Variants in ARHGAP12 observed in about 807,000 individuals in gnomAD.
ARHGAP12 encodes the protein rho GTPase-activating protein 12.
A neutral mutation model predicts 108.6 loss-of-function variants in ARHGAP12; 64 were observed. The observed-to-expected ratio is 0.59, with a 90% CI of 0.48 to 0.73. The LOEUF is 0.73. ARHGAP12 is among the 30% of genes least tolerant of loss of function. ARHGAP12 has a pLI of 0.00. For missense variants in ARHGAP12, 940 were observed against 1,005.9 expected (o/e 0.93, Z 0.89); for synonymous variants, 312 against 337.2 (o/e 0.93, Z 0.82).
In ARHGAP12 at chr10:31,814,814, G is replaced by A. The variant is rs941871418; in HGVS notation, c.1732-453C>T. On this transcript the variant is annotated intron_variant, in intron 13 of 19. Transcript: ENST00000344936. ...ATACTTCAGATTCACGGTTGTCAAC[G>A]GAAAGAAATCCTAGAGCGGCCAGGC... 1.6e-4 allele frequency among the ~76,000 whole-genome samples: 24 copies of A among 152,162 alleles called. 1 individual carries two copies. Among genetic ancestry groups the A allele is most frequent in the Admixed American group, 1.3e-3 (20 of 15,278 alleles).
rs141159821 is a variant in ARHGAP12 at position 31,809,301 on chromosome 10, T to G, written c.2057A>C (p.Asp686Ala). 2 of 1,613,638 alleles carry G rather than the reference T, an allele frequency of 1.2e-6. No homozygotes were observed. Among genetic ancestry groups the G allele is most frequent in the Non-Finnish European group, 1.7e-6 (2 of 1,179,576 alleles). The change falls in exon 17 of 20, where the codon GAT (aspartate) becomes GCT (alanine). Residue 686 changes from aspartate (D) to alanine (A), a missense_variant. Physicochemically the swap from Asp to Ala is moderately radical, Grantham distance 126. Transcript: ENST00000344936. ...CIEHVEEHGL[D>A]IDGIYRVSGN... ...ACTTACTCTGTATATCCCATCAATA[T>G]CCAAACCTAAGAGACAATAATAATT...
chr10:31,888,627 T>A (rs1838275836), intron 3 of ARHGAP12, among the ~76,000 whole-genome samples: 1 of 152,168 alleles, frequency 6.6e-6, no homozygotes, highest in South Asian at 2.1e-4. Flanking sequence ...CCTCCTGGAC[T>A]TTGGTCTCAT....
At chr10:31,816,947 TA>T (rs1469328827) in intron 13 of ARHGAP12, among the ~76,000 whole-genome samples, 1 of 152,240 alleles carries the variant, frequency 6.6e-6, no homozygotes, top group African/African-American at 2.4e-5. Flanking sequence ...AGTTCTCTTT[TA>T]TTTCCTATCA....
intron 6 of ARHGAP12, among the ~76,000 whole-genome samples, chr10:31,848,282 T>C (rs949897220): frequency 2.6e-5 from 4 of 152,206 alleles, no homozygotes; most frequent in Non-Finnish European, 4.4e-5. Context: ...GTAGGTGATC[T>C]GTCCTTTCCC....
intron 1 of ARHGAP12, among the ~76,000 whole-genome samples, chr10:31,911,202 T>C (rs1364403658): frequency 6.6e-6 from 1 of 152,032 alleles, no homozygotes; most frequent in South Asian, 2.1e-4. Flanking sequence ...TTTTGCATTT[T>C]TATTAGAGAT....
At chr10:31,889,666 A>T (rs1838339826) in intron 3 of ARHGAP12, among the ~76,000 whole-genome samples, 1 of 114,606 alleles carries the variant, frequency 8.7e-6, no homozygotes. Flanking sequence ...TCGCTCTGTC[A>T]TGCATGCTGG....
At chr10:31,859,143 G>T (rs1837011431) in intron 4 of ARHGAP12, among the ~76,000 whole-genome samples, 2 of 152,164 alleles carry the variant, frequency 1.3e-5, no homozygotes, top group Non-Finnish European at 2.9e-5. Flanking sequence ...ATTCTGAGTT[G>T]GGGGACAATA....
intron 3 of ARHGAP12, among the ~76,000 whole-genome samples, chr10:31,903,568 C>A (rs1839010295): frequency 6.6e-6 from 1 of 152,122 alleles, no homozygotes; most frequent in Non-Finnish European, 1.5e-5. Context: ...GGACTTAACA[C>A]AAAACCATGA....
chr10:31,807,808 AT>A lies in ARHGAP12; in HGVS notation c.2390del (p.Asn797IlefsTer3). ...TTGCTATACTCTGATAGGTCATTCG[AT>A]TTTTCTCTCCATTTTCTATAACTCT... is the stretch of plus-strand genomic sequence containing the variant. ...LRRVIENGEK[N>X]RMTYQSIAIV... On this transcript the variant is annotated frameshift_variant, in exon 20 of 20. Coordinates refer to ENST00000344936, the MANE Select transcript of ARHGAP12 (RefSeq NM_018287.7). LOFTEE classifies it high-confidence loss of function. The A allele has an allele frequency of 6.5e-7, 1 of 1,535,526 alleles. No homozygotes were observed. Among genetic ancestry groups the A allele is most frequent in the Non-Finnish European group, 8.7e-7 (1 of 1,144,514 alleles).
intron 3 of ARHGAP12, among the ~76,000 whole-genome samples, chr10:31,882,552 C>A (rs1045453197): frequency 6.6e-6 from 1 of 152,126 alleles, no homozygotes; most frequent in African/African-American, 2.4e-5. Flanking sequence ...CAGAGGCTCA[C>A]ACCTGTAATC....
At chr10:31,907,826 G>A (rs1839198469) in intron 3 of ARHGAP12, among the ~76,000 whole-genome samples, 1 of 152,088 alleles carries the variant, frequency 6.6e-6, no homozygotes, top group South Asian at 2.1e-4. Context: ...AGGTAAAAAA[G>A]AGTAAAAATT....
intron 18 of ARHGAP12, 51 bp from the exon 19 acceptor site, chr10:31,808,802 A>C (rs1834913675): frequency 1.3e-6 from 2 of 1,571,458 alleles, no homozygotes; most frequent in Admixed American, 1.7e-5. Flanking sequence ...TATGAAACTG[A>C]AAGCAATGTC....
At chr10:31,898,268 T>C (rs1387721794) in intron 3 of ARHGAP12, among the ~76,000 whole-genome samples, 1 of 152,126 alleles carries the variant, frequency 6.6e-6, no homozygotes, top group Non-Finnish European at 1.5e-5. Context: ...TGAATAAATA[T>C]GTCTCCAAGG....
intron 3 of ARHGAP12, among the ~76,000 whole-genome samples, chr10:31,866,779 C>T (rs1837342023): frequency 2.0e-5 from 3 of 151,946 alleles, no homozygotes; most frequent in Admixed American, 2.0e-4. Flanking sequence ...CCATGCCCGG[C>T]TAATTTTATA....
At chr10:31,891,869 G>A (rs535621001) in intron 3 of ARHGAP12, among the ~76,000 whole-genome samples, 4 of 152,072 alleles carry the variant, frequency 2.6e-5, no homozygotes, top group African/African-American at 9.6e-5. Context: ...CCAGCTGATC[G>A]AATTGGATAC....
At chr10:31,821,981 T>A (rs1026154227) in intron 11 of ARHGAP12, among the ~76,000 whole-genome samples, 5 of 152,142 alleles carry the variant, frequency 3.3e-5, no homozygotes, top group African/African-American at 4.8e-5. Context: ...ATTGTCATCA[T>A]ACACGCTGTA....
At chr10:31,890,856 C>A (rs1445934279) in intron 3 of ARHGAP12, among the ~76,000 whole-genome samples, 1 of 152,148 alleles carries the variant, frequency 6.6e-6, no homozygotes, top group Non-Finnish European at 1.5e-5. Context: ...AAATCCCATT[C>A]CTCAAGCACT....
chr10:31,813,443 T>C lies in ARHGAP12; in HGVS notation c.1835-620A>G, dbSNP rs375034955. Among the ~76,000 whole-genome samples, 11 of 152,246 alleles carry C rather than the reference T, an allele frequency of 7.2e-5. No individual in the cohort carries two copies. The East Asian group carries it at 2.1e-3, about 29-fold the overall frequency. On this transcript the variant is annotated intron_variant, in intron 14 of 19. Transcript: ENST00000344936. ...TAGTAACAAAAATTCAAAAGGTATA[T>C]TTCTTGAAAATAATTCTATTTGGGG... is the stretch of plus-strand genomic sequence containing the variant.
intron 12 of ARHGAP12, 104 bp downstream of exon 12, chr10:31,820,283 C>T: frequency 1.2e-6 from 1 of 836,572 alleles, no homozygotes; most frequent in Non-Finnish European, 1.7e-6. Context: ...CCAACTTTGC[C>T]TTAACTAGTC....
Sources: gnomAD v4.1 joint callset for allele counts (sites outside exome capture counted in the v4.1 genomes callset) on GRCh38, gnomAD v4.1.1 for gene constraint, MANE v1.5 for transcripts, NCBI Gene and HGNC (gene_info 2026-07-23, HGNC 2026-07-21) for gene names.